The following TIMP2 variants were observed in gnomAD, a reference collection of about 807,000 sequenced individuals.
TIMP2 encodes the protein metalloproteinase inhibitor 2.
In TIMP2, 5 loss-of-function variants were observed where a neutral mutation model predicts 24.3. The ratio of observed to expected loss-of-function variants is 0.21; its 90% CI spans 0.11 to 0.43. The LOEUF (loss-of-function observed/expected upper bound fraction) is 0.43. Among genes scored for constraint, TIMP2 ranks in the 20% least tolerant of loss-of-function variants. The pLI, the probability that TIMP2 is intolerant of heterozygous loss-of-function variation, is 1.00. For missense variants in TIMP2, 221 were observed against 297.5 expected (o/e 0.74, Z 1.89); for synonymous variants, 130 against 123.2 (o/e 1.06, Z -0.37).
At chr17:78,878,238 C>A (rs1246027116) in intron 1 of TIMP2, among the ~76,000 whole-genome samples, 1 of 152,182 alleles carries the variant, frequency 6.6e-6, no homozygotes, top group Non-Finnish European at 1.5e-5. Flanking sequence ...AGACAGAGAT[C>A]CTGCATTCAC....
chr17:78,892,800 C>A (rs2069922120), intron 1 of TIMP2, among the ~76,000 whole-genome samples: 1 of 152,116 alleles, frequency 6.6e-6, no homozygotes, highest in Non-Finnish European at 1.5e-5. Context: ...CTGCTGAATA[C>A]CCCACACTGC....
At chr17:78,860,492 T>C (rs895129040) in intron 3 of TIMP2, among the ~76,000 whole-genome samples, 1 of 152,196 alleles carries the variant, frequency 6.6e-6, no homozygotes, top group African/African-American at 2.4e-5. Context: ...ATGGCTTGCC[T>C]GGGGCTCCAA....
At position 78,891,127 on chromosome 17, in the gene TIMP2, G is replaced by A; in HGVS notation, c.131-17208C>T. ...TGCTATACAATAATGAGTCCTCTTT[G>A]TTGATAAATATACCTGCCTCGGGAG... On this transcript the variant is annotated intron_variant, in intron 1 of 4. Coordinates refer to ENST00000262768, the MANE Select transcript of TIMP2 (RefSeq NM_003255.5). This position sits in a 1 kb window ranked among gnomAD's most constrained non-coding sequence, Gnocchi z 4.5. 6.4e-7 allele frequency: 1 copy of A among 1,550,720 alleles called. No individual in the cohort carries two copies. Among genetic ancestry groups the A allele is most frequent in the Non-Finnish European group, 8.7e-7 (1 of 1,147,030 alleles).
chr17:78,871,638 A>G (rs140137015), intron 2 of TIMP2, among the ~76,000 whole-genome samples: 2,011 of 151,898 alleles, frequency 0.013, 35 homozygotes, highest in African/African-American at 0.046. Flanking sequence ...CGAGGTCAGA[A>G]GATCGACACC....
intron 1 of TIMP2, chr17:78,899,018 A>G (rs1182316457): frequency 2.6e-5 from 4 of 152,256 alleles, no homozygotes; most frequent in Admixed American, 1.3e-4. Flanking sequence ...GATTCCAGGC[A>G]TGAGCCCCCG....
At chr17:78,908,545 G>A (rs1179197132) in intron 1 of TIMP2, among the ~76,000 whole-genome samples, 2 of 152,194 alleles carry the variant, frequency 1.3e-5, no homozygotes, top group Admixed American at 1.3e-4. Flanking sequence ...AGAGACTCGA[G>A]CCAGGATCAT....
At position 78,856,035 on chromosome 17, in the gene TIMP2, G is replaced by A. The variant is rs973837789; in HGVS notation, c.466-171C>T. ...GCAGGGGCAGGCAGCTGGCCTGCGA[G>A]GGGGTCTAACCTGCAGGGAAGCTGT... On this transcript the variant is annotated intron_variant, in intron 4 of 4. Transcript: ENST00000262768. 5.9e-6 allele frequency: 4 copies of A among 674,760 alleles called. No individual in the cohort carries two copies. In the East Asian group the frequency reaches 1.1e-4, roughly 18 times the overall value. 41.8% of individuals were successfully genotyped at this position (674,760 alleles called of 1,614,324 possible).
At chr17:78,894,278 G>C (rs978836994) in intron 1 of TIMP2, among the ~76,000 whole-genome samples, 2 of 152,038 alleles carry the variant, frequency 1.3e-5, no homozygotes, top group Admixed American at 6.6e-5. Flanking sequence ...AAGTGGCAGA[G>C]ACAGGCCCTC....
chr17:78,918,637 T>C (rs971354002), intron 1 of TIMP2, among the ~76,000 whole-genome samples: 1 of 152,186 alleles, frequency 6.6e-6, no homozygotes, highest in African/African-American at 2.4e-5. Context: ...CCACACTTTC[T>C]GTTCAGACCC....
chr17:78,911,248 C>T (rs538773862), intron 1 of TIMP2, among the ~76,000 whole-genome samples: 21 of 152,188 alleles, frequency 1.4e-4, no homozygotes, highest in Admixed American at 2.6e-4. Flanking sequence ...GCGAGCCAGC[C>T]GTGTGGAATG....
chr17:78,855,912 G>C lies in TIMP2; in HGVS notation c.466-48C>G, dbSNP rs780752843. 1.3e-6 allele frequency: 2 copies of C among 1,594,576 alleles called. No homozygotes were observed. The highest frequency in any genetic ancestry group is 2.2e-5 in the South Asian group (2 of 90,662). On this transcript the variant is annotated intron_variant, in intron 4 of 4. Transcript: ENST00000262768. The surrounding 1 kb of genome is among the most constrained non-coding windows in gnomAD (Gnocchi z 6.0). Reference sequence around the variant, plus strand: ...GGACGGAGTCAGGGACCCAGGAAGGGGTGGGCAGAGGCTGCTCTGGGGGCA... The same window carrying C: ...GGACGGAGTCAGGGACCCAGGAAGGCGTGGGCAGAGGCTGCTCTGGGGGCA...
intron 3 of TIMP2, among the ~76,000 whole-genome samples, chr17:78,870,011 G>A (rs1308838667): frequency 6.6e-6 from 1 of 151,518 alleles, no homozygotes; most frequent in Non-Finnish European, 1.5e-5. Context: ...GAAGAGAGAA[G>A]GGGGAGTTAG....
intron 1 of TIMP2, among the ~76,000 whole-genome samples, chr17:78,921,558 G>A (rs1034931092): frequency 1.3e-5 from 2 of 152,218 alleles, no homozygotes; most frequent in Non-Finnish European, 2.9e-5. Context: ...CCTGAATGGT[G>A]AGCCCAAAGC....
rs2070331049 is a variant in TIMP2 at position 78,924,183 on chromosome 17, G to C, written c.130+776C>G. On this transcript the variant is annotated intron_variant, in intron 1 of 4. Coordinates refer to ENST00000262768, the MANE Select transcript of TIMP2 (RefSeq NM_003255.5). The surrounding 1 kb of genome is among the most constrained non-coding windows in gnomAD (Gnocchi z 5.3). The stretch of plus-strand genomic sequence containing the variant: ...TCCCTCCATGGCGCCTGTCTTTTGG[G>C]GGCTAGGAGTCCGGAGGTCATGGGT... Among the ~76,000 whole-genome samples, 1 of 152,220 alleles carries C rather than the reference G, an allele frequency of 6.6e-6. No homozygotes were observed. Among genetic ancestry groups the C allele is most frequent in the South Asian group, 2.1e-4 (1 of 4,832 alleles).
chr17:78,895,638 A>T (rs796580913), intron 1 of TIMP2, among the ~76,000 whole-genome samples: 5 of 152,340 alleles, frequency 3.3e-5, no homozygotes, highest in African/African-American at 1.2e-4. Context: ...TAGGTCTATA[A>T]CCAAGAGAAG....
intron 1 of TIMP2, among the ~76,000 whole-genome samples, chr17:78,887,972 T>C (rs1490391331): frequency 6.6e-6 from 1 of 152,100 alleles, no homozygotes; most frequent in African/African-American, 2.4e-5. Context: ...GGCGTTTGTG[T>C]GATGTGGATG....
chr17:78,889,878 G>A (rs2069863165), intron 1 of TIMP2, among the ~76,000 whole-genome samples: 1 of 152,216 alleles, frequency 6.6e-6, no homozygotes, highest in South Asian at 2.1e-4. Flanking sequence ...CCAGCACTTT[G>A]GGAGGCCAAG....
At chr17:78,863,705 T>C (rs1424152108) in intron 3 of TIMP2, among the ~76,000 whole-genome samples, 1 of 152,158 alleles carries the variant, frequency 6.6e-6, no homozygotes, top group East Asian at 1.9e-4. Flanking sequence ...TGACTCTCTG[T>C]ATCGACTCAC....
At chr17:78,871,244 G>A (rs112784155) in intron 2 of TIMP2, among the ~76,000 whole-genome samples, 3,178 of 152,122 alleles carry the variant, frequency 0.021, 57 homozygotes, top group Non-Finnish European at 0.032. Context: ...TTGAGGTCAG[G>A]AGTTTGAGAC....
Sources: gnomAD v4.1 joint callset for allele counts (sites outside exome capture counted in the v4.1 genomes callset) on GRCh38, gnomAD v4.1.1 for gene constraint, Gnocchi (gnomAD v3.1) non-coding constraint, MANE v1.5 for transcripts, NCBI Gene and HGNC (gene_info 2026-07-23, HGNC 2026-07-21) for gene names.